DTNB: variants seen among roughly 807,000 people sequenced by gnomAD.
DTNB encodes DTN-B.
A neutral mutation model predicts 90.7 loss-of-function variants in DTNB; 63 were observed. The ratio of observed to expected loss-of-function variants is 0.69; its 90% confidence interval spans 0.57 to 0.86. DTNB has a LOEUF of 0.86. Among genes scored for constraint, DTNB ranks in the 40% least tolerant of loss-of-function variants. DTNB has a pLI of 0.00. For synonymous variants in DTNB, 277 were observed against 286.7 expected (o/e 0.97, Z 0.34); for missense variants, 744 against 807.1 (o/e 0.92, Z 0.95).
At position 25,578,620 on chromosome 2, in the gene DTNB, A is replaced by G. The variant is rs981212140; in HGVS notation, c.710-1616T>C. ...TCAGTGGAATGGGTGACAGGTGGAA[A>G]AGCAGAGAACCAGAATGATGAAAAA... On this transcript the variant is annotated intron_variant, in intron 7 of 20. Coordinates refer to ENST00000406818, the MANE Select transcript of DTNB (RefSeq NM_021907.5). 2.6e-5 allele frequency among the ~76,000 whole-genome samples: 4 copies of G among 152,218 alleles called. No homozygotes were observed. In the East Asian group the frequency reaches 5.8e-4, roughly 22 times the overall value.
intron 16 of DTNB, among the ~76,000 whole-genome samples, chr2:25,388,805 C>CGTGTGTGTGTGTGTGTGTGTGTGTGT (rs112323714): frequency 1.1e-3 from 163 of 149,252 alleles, no homozygotes; most frequent in African/African-American, 3.8e-3. Context: ...AAAGGACATA[C>CGTGTGTGTGTGTGTGTGTGTGTGTGT]GTGTGTGTGT....
chr2:25,654,672 T>A (rs1428028079), intron 1 of DTNB, among the ~76,000 whole-genome samples: 1 of 152,208 alleles, frequency 6.6e-6, no homozygotes, highest in East Asian at 1.9e-4. Flanking sequence ...GCATCTCAAA[T>A]TCATCATTTG....
chr2:25,601,993 A>G (rs1465183517), intron 5 of DTNB, among the ~76,000 whole-genome samples: 1 of 152,108 alleles, frequency 6.6e-6, no homozygotes, highest in Non-Finnish European at 1.5e-5. Flanking sequence ...ATGGTGGCAC[A>G]CGCCTGTAGT....
chr2:25,525,454 T>C (rs1385109242), intron 9 of DTNB, among the ~76,000 whole-genome samples: 3 of 151,992 alleles, frequency 2.0e-5, no homozygotes, highest in African/African-American at 7.3e-5. Context: ...CTGGCCAACA[T>C]TGTGAAACCC....
At chr2:25,412,336 C>T (rs774417883) in intron 16 of DTNB, among the ~76,000 whole-genome samples, 1 of 152,136 alleles carries the variant, frequency 6.6e-6, no homozygotes, top group African/African-American at 2.4e-5. Flanking sequence ...CAAGATCCCA[C>T]GTGATAGCCA....
At chr2:25,669,011 A>T (rs2085182735) in intron 1 of DTNB, among the ~76,000 whole-genome samples, 1 of 152,256 alleles carries the variant, frequency 6.6e-6, no homozygotes. Flanking sequence ...AAGTGAAATC[A>T]GCCAGATACA....
intron 16 of DTNB, among the ~76,000 whole-genome samples, chr2:25,407,965 G>A (rs1456797013): frequency 6.6e-6 from 1 of 152,118 alleles, no homozygotes. Flanking sequence ...ACTGGGCACG[G>A]TAGCAACACT....
In DTNB at chr2:25,387,471, A is replaced by C; in HGVS notation, c.1736-93T>G. On this transcript the variant is annotated intron_variant, in intron 17 of 20. Coordinates refer to ENST00000406818, the MANE Select transcript of DTNB (RefSeq NM_021907.5). This position sits in a 1 kb window ranked among gnomAD's most constrained non-coding sequence, Gnocchi z 4.5. The stretch of plus-strand genomic sequence containing the variant: ...TGCCTCAGTTCTGCCAGGCCCGAGA[A>C]CACAGGTGTGGAACACCTAAGGGGA... The C allele has an allele frequency of 4.1e-6, 5 of 1,215,756 alleles. No individual in the cohort carries two copies. Among genetic ancestry groups the C allele is most frequent in the African/African-American group, 1.5e-5 (1 of 67,570 alleles). The allele number at this position is 1,215,756 out of a possible 1,614,324, so 75.3% of individuals were successfully genotyped here.
intron 8 of DTNB, among the ~76,000 whole-genome samples, chr2:25,543,890 CT>C (rs1478219992): frequency 1.3e-5 from 2 of 152,094 alleles, no homozygotes; most frequent in African/African-American, 4.8e-5. Context: ...GTGCTTTTAA[CT>C]CTCAAAATAG....
chr2:25,433,591 G>C (rs575295614), intron 13 of DTNB, among the ~76,000 whole-genome samples: 1 of 151,956 alleles, frequency 6.6e-6, no homozygotes, highest in Admixed American at 6.6e-5. Context: ...AAGATGACTA[G>C]ATACAGCAAA....
intron 4 of DTNB, among the ~76,000 whole-genome samples, chr2:25,617,604 T>C (rs2071121640): frequency 6.6e-6 from 1 of 152,184 alleles, no homozygotes; most frequent in African/African-American, 2.4e-5. Flanking sequence ...TAGAAACTTA[T>C]TAAAGAAGCC....
At chr2:25,624,779 C>T (rs962076041) in intron 4 of DTNB, among the ~76,000 whole-genome samples, 6 of 152,138 alleles carry the variant, frequency 3.9e-5, no homozygotes, top group African/African-American at 1.2e-4. Flanking sequence ...GGTTAAAGCA[C>T]CTTTGTTGTA....
At chr2:25,597,398 G>C (rs2064872370) in intron 5 of DTNB, among the ~76,000 whole-genome samples, 1 of 151,798 alleles carries the variant, frequency 6.6e-6, no homozygotes, top group South Asian at 2.1e-4. Context: ...AGGTATAGTA[G>C]AGATCTATAC....
In DTNB at chr2:25,536,296, C is replaced by T. The variant is rs541395676; in HGVS notation, c.877-4699G>A. On this transcript the variant is annotated intron_variant, in intron 8 of 20. Transcript: ENST00000406818. ...GCAGAGATGCTGCTCACTTCCTACACGGGGTGGCGGGCGGGCAGAGGCTGT... is the reference window on the plus strand; with the variant it reads ...GCAGAGATGCTGCTCACTTCCTACATGGGGTGGCGGGCGGGCAGAGGCTGT... Among the ~76,000 whole-genome samples the T allele has an allele frequency of 4.6e-5, 7 of 152,082 alleles. No individual in the cohort carries two copies. In the South Asian group the frequency reaches 6.2e-4, roughly 14 times the overall value.
chr2:25,487,263 A>G (rs1170295383), intron 9 of DTNB, among the ~76,000 whole-genome samples: 1 of 152,208 alleles, frequency 6.6e-6, no homozygotes, highest in Admixed American at 6.5e-5. Context: ...TGTGGGTTCA[A>G]CCAACTGCAG....
intron 14 of DTNB, among the ~76,000 whole-genome samples, chr2:25,430,505 C>T (rs758106685): frequency 2.0e-4 from 31 of 151,976 alleles, no homozygotes; most frequent in African/African-American, 2.9e-4. Context: ...AGAGAACGAT[C>T]CTAAAGGCTA....
At chr2:25,610,078 A>G (rs544120035) in intron 4 of DTNB, among the ~76,000 whole-genome samples, 2 of 152,270 alleles carry the variant, frequency 1.3e-5, no homozygotes, top group East Asian at 1.9e-4. Flanking sequence ...AGCAGTGTGA[A>G]GTCTGACTTA....
intron 2 of DTNB, among the ~76,000 whole-genome samples, chr2:25,649,354 G>A (rs1169003724): frequency 6.6e-6 from 1 of 152,012 alleles, no homozygotes; most frequent in Non-Finnish European, 1.5e-5. Context: ...CAGTACACTA[G>A]GTCAAGAAAA....
At chr2:25,632,249 C>T (rs2148755331) in intron 3 of DTNB, among the ~76,000 whole-genome samples, 1 of 148,294 alleles carries the variant, frequency 6.7e-6, no homozygotes, top group African/African-American at 2.5e-5. Context: ...AAGCAAATCT[C>T]AATAAATGTT....
Sources: allele counts gnomAD v4.1 joint callset (sites outside exome capture counted in the v4.1 genomes callset), GRCh38; gene constraint gnomAD v4.1.1; non-coding constraint Gnocchi (gnomAD v3.1); transcripts MANE v1.5; gene names NCBI Gene and HGNC (gene_info 2026-07-23, HGNC 2026-07-21).